Variants in DCP1B observed in about 807,000 individuals in gnomAD.
DCP1B encodes decapping mRNA 1B, also known as mRNA-decapping enzyme 1B.
A neutral mutation model predicts 60.5 loss-of-function variants in DCP1B; 47 were observed. The ratio of observed to expected loss-of-function variants is 0.78; its 90% CI spans 0.61 to 0.99. The LOEUF (loss-of-function observed/expected upper bound fraction) is 0.99, where lower values mean the gene tolerates loss of function less well. Among genes scored for constraint, DCP1B ranks in the 50% least tolerant of loss-of-function variants. The pLI is 0.00. For synonymous variants in DCP1B, 267 were observed against 280.3 expected, an observed-to-expected ratio of 0.95 and a Z score of 0.47; for missense variants, 725 against 756.8, an observed-to-expected ratio of 0.96 and a Z score of 0.49.
At chr12:1,978,598 T>C (rs760109884) in intron 3 of DCP1B, among the ~76,000 whole-genome samples, 10 of 152,194 alleles carry the variant, frequency 6.6e-5, no homozygotes, top group Admixed American at 4.6e-4. Context: ...GAGTTGGCAA[T>C]AAAACACTCT....
At chr12:1,953,749 A>T (rs111597675) in intron 6 of DCP1B, among the ~76,000 whole-genome samples, 4,141 of 152,364 alleles carry the variant, frequency 0.027, 93 homozygotes, top group Middle Eastern at 0.054. Context: ...GGAAGACTTT[A>T]AATCTAACTT....
At chr12:1,963,419 C>A (rs1310813063) in intron 5 of DCP1B, among the ~76,000 whole-genome samples, 1 of 152,180 alleles carries the variant, frequency 6.6e-6, no homozygotes, top group Admixed American at 6.5e-5. Context: ...TTAGGGCAGG[C>A]AGGATAAAAG....
rs373759587 is a variant in DCP1B, at chr12:1,951,331, G to A, written c.1524+1085C>T. Among the ~76,000 whole-genome samples the A allele has an allele frequency of 9.8e-5, 15 of 152,298 alleles. No individual in the cohort carries two copies. In the East Asian group the frequency reaches 1.9e-3, roughly 20 times the overall value. On this transcript the variant is annotated intron_variant, in intron 7 of 8. Coordinates refer to ENST00000280665, the MANE Select transcript of DCP1B (RefSeq NM_152640.5). ...TGACAAAGGGCCAGTGATGATATATGTGATACACAGGGAGAACTTTCCAAT... is the reference window on the plus strand; with the variant it reads ...TGACAAAGGGCCAGTGATGATATATATGATACACAGGGAGAACTTTCCAAT...
chr12:1,949,195 G>A lies in DCP1B; in HGVS notation c.1664C>T (p.Ala555Val). The change falls in exon 8 of 9, where the codon GCT becomes GTT. Residue 555 changes from alanine to valine, a missense_variant. Transcript: ENST00000280665. The stretch of plus-strand genomic sequence containing the variant: ...GGGCAGGAGGAGGCTGGTGGCAGCA[G>A]CAGGTGGCTCCTGGCCTCCCACAGG... Reference protein sequence around the residue: ...LLPVGGQEPPAAATSLLLPIQ... With the variant: ...LLPVGGQEPPVAATSLLLPIQ... The A allele has an allele frequency of 2.5e-6, 4 of 1,614,186 alleles. No homozygotes were observed. Among genetic ancestry groups the A allele is most frequent in the Non-Finnish European group, 3.4e-6 (4 of 1,180,030 alleles).
At chr12:1,996,139 T>C (rs1415928386) in intron 2 of DCP1B, among the ~76,000 whole-genome samples, 3 of 152,180 alleles carry the variant, frequency 2.0e-5, no homozygotes, top group African/African-American at 2.4e-5. Flanking sequence ...TCTACCCCAC[T>C]GCAATAATCT....
At chr12:1,998,078 G>A in intron 1 of DCP1B, 103 bp from the exon 2 acceptor site, 1 of 943,702 alleles carries the variant, frequency 1.1e-6, no homozygotes, top group Non-Finnish European at 1.6e-6. Flanking sequence ...AACTTCAATG[G>A]GCCAAATATA....
chr12:1,959,003 T>C (rs2031018201), intron 5 of DCP1B, among the ~76,000 whole-genome samples: 1 of 143,392 alleles, frequency 7.0e-6, no homozygotes, highest in African/African-American at 2.5e-5. Flanking sequence ...ACTTTTTCTA[T>C]AAACCTCCTG....
intron 7 of DCP1B, chr12:1,950,479 T>A (rs1287448140): frequency 1.3e-5 from 9 of 693,114 alleles, no homozygotes; most frequent in South Asian, 1.0e-4. Flanking sequence ...CAGACATTTT[T>A]AAAAAAGGGA....
intron 2 of DCP1B, among the ~76,000 whole-genome samples, chr12:1,994,531 T>G (rs749012036): frequency 1.3e-4 from 20 of 152,176 alleles, no homozygotes; most frequent in Non-Finnish European, 2.6e-4. Context: ...ATAATCATGA[T>G]CATCACTTCA....
intron 8 of DCP1B, among the ~76,000 whole-genome samples, chr12:1,947,349 T>C (rs118101419): frequency 0.043 from 6,618 of 152,314 alleles, 218 homozygotes; most frequent in Middle Eastern, 0.071. Flanking sequence ...TCTCATGCAA[T>C]GAAGAGAGTG....
chr12:1,984,457 T>C (rs1593076170), intron 3 of DCP1B, among the ~76,000 whole-genome samples: 1 of 152,192 alleles, frequency 6.6e-6, no homozygotes, highest in Admixed American at 6.5e-5. Flanking sequence ...TTAGAGTTTT[T>C]CTTTTACCAC....
At chr12:1,953,573 G>A (rs2030772305) in intron 6 of DCP1B, among the ~76,000 whole-genome samples, 1 of 152,040 alleles carries the variant, frequency 6.6e-6, no homozygotes. Context: ...CACAGATTGG[G>A]AACCACCTTG....
At chr12:1,960,152 T>C (rs746671572) in intron 5 of DCP1B, among the ~76,000 whole-genome samples, 1 of 152,136 alleles carries the variant, frequency 6.6e-6, no homozygotes, top group Non-Finnish European at 1.5e-5. Flanking sequence ...TGTTCATCAA[T>C]GAATGAATGG....
intron 3 of DCP1B, among the ~76,000 whole-genome samples, chr12:1,990,153 A>G (rs2038987891): frequency 6.6e-6 from 1 of 152,206 alleles, no homozygotes; most frequent in African/African-American, 2.4e-5. Context: ...GTATCACTTA[A>G]TCCCTTTAAC....
chr12:1,982,556 C>G (rs1336989179), intron 3 of DCP1B, among the ~76,000 whole-genome samples: 1 of 151,942 alleles, frequency 6.6e-6, no homozygotes, highest in African/African-American at 2.4e-5. Flanking sequence ...ATTTTATTCT[C>G]TTTTGAGGTT....
chr12:1,989,109 C>T (rs891718442), intron 3 of DCP1B, among the ~76,000 whole-genome samples: 1 of 152,190 alleles, frequency 6.6e-6, no homozygotes, highest in Non-Finnish European at 1.5e-5. Flanking sequence ...GTCAGCTGGG[C>T]ATGGTGGCTC....
At chr12:1,977,642 G>A in intron 3 of DCP1B, among the ~76,000 whole-genome samples, 1 of 152,152 alleles carries the variant, frequency 6.6e-6, no homozygotes, top group Admixed American at 6.5e-5. Flanking sequence ...TTGCCCATAA[G>A]GGGCCTGTAA....
At chr12:1,986,777 A>T (rs1565832874) in intron 3 of DCP1B, among the ~76,000 whole-genome samples, 1 of 152,162 alleles carries the variant, frequency 6.6e-6, no homozygotes, top group Non-Finnish European at 1.5e-5. Flanking sequence ...TTTTTCTTCA[A>T]GTTCTGATTG....
intron 3 of DCP1B, chr12:1,992,938 C>G: frequency 3.4e-6 from 2 of 587,878 alleles, no homozygotes; most frequent in Non-Finnish European, 6.0e-6. Context: ...ATGTGTGTGT[C>G]TCTGCAGTCT....
Sources: allele counts gnomAD v4.1 joint callset (sites outside exome capture counted in the v4.1 genomes callset), GRCh38; gene constraint gnomAD v4.1.1; transcripts MANE v1.5; gene names NCBI Gene and HGNC (gene_info 2026-07-23, HGNC 2026-07-21).